EPS15: variants seen among roughly 807,000 people sequenced by gnomAD.
EPS15 encodes epidermal growth factor receptor substrate 15.
In EPS15, 72 loss-of-function variants were observed where a neutral mutation model predicts 113.8. The ratio of observed to expected loss-of-function variants is 0.63; its 90% CI spans 0.52 to 0.77. The LOEUF is 0.77. EPS15 is among the 30% of genes least tolerant of loss of function. EPS15 has a pLI of 0.00. For synonymous variants in EPS15, 344 were observed against 363.4 expected (o/e 0.95, Z 0.61); for missense variants, 1,048 against 1,045.8 (o/e 1.00, Z -0.03).
At position 51,465,254 on chromosome 1, in the gene EPS15, T is replaced by C; in HGVS notation, c.375+7A>G. On this transcript the variant is annotated splice_region_variant and intron_variant, in intron 6 of 24. Coordinates refer to ENST00000371733, the MANE Select transcript of EPS15 (RefSeq NM_001981.3). ...GGGGTGAGAGAATAGTTACAAAGTT[T>C]ACTTACTTTTACAGCCCATGGGAGC... 5 of 1,586,834 alleles carry C rather than the reference T, an allele frequency of 3.2e-6. No individual in the cohort carries two copies. The highest frequency in any genetic ancestry group is 4.3e-6 in the Non-Finnish European group (5 of 1,157,996).
chr1:51,469,915 A>G (rs538999421), intron 4 of EPS15, among the ~76,000 whole-genome samples: 5 of 151,236 alleles, frequency 3.3e-5, no homozygotes, highest in Non-Finnish European at 5.9e-5. Flanking sequence ...GCAGCCTGGG[A>G]AAGTATCTTC....
chr1:51,501,318 GA>G (rs1235203119), intron 1 of EPS15, among the ~76,000 whole-genome samples: 1 of 151,774 alleles, frequency 6.6e-6, no homozygotes, highest in African/African-American at 2.4e-5. Flanking sequence ...TGAGGAAGGA[GA>G]ATTGCTTGAA....
chr1:51,498,650 T>A (rs1644366231), intron 1 of EPS15, among the ~76,000 whole-genome samples: 1 of 152,190 alleles, frequency 6.6e-6, no homozygotes, highest in African/African-American at 2.4e-5. Flanking sequence ...TTTATCAGGA[T>A]GCAACCCTAT....
In EPS15 at chr1:51,456,040, T is replaced by C. The variant is rs182803091; in HGVS notation, c.561+5051A>G. The stretch of plus-strand genomic sequence containing the variant: ...GAGAATATGAACAAGCATTTACATT[T>C]GAAAAGAAACAAGGGCCATTCATCA... On this transcript the variant is annotated intron_variant, in intron 8 of 24. Transcript: ENST00000371733. Among the ~76,000 whole-genome samples, 16 of 152,208 alleles carry C rather than the reference T, an allele frequency of 1.1e-4. 1 individual carries two copies. The highest frequency in any genetic ancestry group is 3.6e-4 in the African/African-American group (15 of 41,568).
At chr1:51,394,314 G>T in intron 21 of EPS15, 67 bp downstream of exon 21, 1 of 969,674 alleles carries the variant, frequency 1.0e-6, no homozygotes. Context: ...TATATTTAGA[G>T]ACAAAGAAAA....
intron 8 of EPS15, among the ~76,000 whole-genome samples, chr1:51,450,754 A>C (rs1037115182): frequency 6.6e-6 from 1 of 151,876 alleles, no homozygotes; most frequent in African/African-American, 2.4e-5. Context: ...TGCTGTATGA[A>C]AAAGATTAAT....
chr1:51,517,451 T>C lies in EPS15; in HGVS notation c.33+1748A>G, dbSNP rs140467217. On this transcript the variant is annotated intron_variant, in intron 1 of 24. Transcript: ENST00000371733. ...GTAAATAGAAGCTAAAAACATGGTATTACCCAGGGAGAGAATAAAGTATGC... is the reference window on the plus strand; with the variant it reads ...GTAAATAGAAGCTAAAAACATGGTACTACCCAGGGAGAGAATAAAGTATGC... Among the ~76,000 whole-genome samples the C allele has an allele frequency of 1.0e-3, 158 of 152,324 alleles. 1 individual carries two copies. The highest frequency in any genetic ancestry group is 6.2e-3 in the East Asian group (32 of 5,186).
At chr1:51,445,269 C>G (rs1188224460) in intron 10 of EPS15, among the ~76,000 whole-genome samples, 1 of 152,168 alleles carries the variant, frequency 6.6e-6, no homozygotes, top group Non-Finnish European at 1.5e-5. Context: ...AGCCTCTAAT[C>G]TGGGTTTACA....
chr1:51,421,653 A>C, intron 13 of EPS15, 133 bp downstream of exon 13: 1 of 451,564 alleles, frequency 2.2e-6, no homozygotes, highest in Non-Finnish European at 3.8e-6. Context: ...GGAAAAGATA[A>C]ACATTTATAT....
chr1:51,485,053 T>G (rs747840200), intron 1 of EPS15, among the ~76,000 whole-genome samples: 2 of 152,234 alleles, frequency 1.3e-5, no homozygotes, highest in Non-Finnish European at 2.9e-5. Flanking sequence ...CAATAAAAAC[T>G]AAGCTCTAAA....
chr1:51,362,516 A>T (rs1646411207), intron 23 of EPS15, among the ~76,000 whole-genome samples: 1 of 152,248 alleles, frequency 6.6e-6, no homozygotes, highest in Non-Finnish European at 1.5e-5. Flanking sequence ...GCATCATGCA[A>T]GTTGTAAAAA....
intron 8 of EPS15, among the ~76,000 whole-genome samples, chr1:51,448,788 G>A (rs1653286215): frequency 6.6e-6 from 1 of 152,216 alleles, no homozygotes; most frequent in South Asian, 2.1e-4. Context: ...CAACTGAGAA[G>A]TAGTAGCATC....
rs552864729 is a variant in EPS15, at chr1:51,496,153, A to G, written c.34-14839T>C. 5.3e-5 allele frequency among the ~76,000 whole-genome samples: 8 copies of G among 152,284 alleles called. No individual in the cohort carries two copies. In the East Asian group the frequency reaches 1.5e-3, roughly 29 times the overall value. On this transcript the variant is annotated intron_variant, in intron 1 of 24. Coordinates refer to ENST00000371733, the MANE Select transcript of EPS15 (RefSeq NM_001981.3). ...TAAGCCCATTTAACCTGAGGCACAT[A>G]CTATTATACCCATTTAACAAATGAG... is the stretch of plus-strand genomic sequence containing the variant.
At chr1:51,428,457 TATAAAG>T (rs1387250628) in intron 12 of EPS15, among the ~76,000 whole-genome samples, 1 of 151,998 alleles carries the variant, frequency 6.6e-6, no homozygotes, top group African/African-American at 2.4e-5. Context: ...ATACACAATG[TATAAAG>T]ATATAGTTTG....
At chr1:51,505,548 G>A (rs1214650579) in intron 1 of EPS15, among the ~76,000 whole-genome samples, 3 of 152,080 alleles carry the variant, frequency 2.0e-5, no homozygotes, top group Admixed American at 6.6e-5. Context: ...ATAGCTGAGG[G>A]GTACAAGTTT....
At chr1:51,373,441 G>T (rs1646711861) in intron 21 of EPS15, among the ~76,000 whole-genome samples, 1 of 152,210 alleles carries the variant, frequency 6.6e-6, no homozygotes, top group Non-Finnish European at 1.5e-5. Flanking sequence ...TGAGAAAAAT[G>T]AAGAGAATTC....
At chr1:51,477,728 G>A (rs1361241315) in intron 2 of EPS15, among the ~76,000 whole-genome samples, 4 of 152,162 alleles carry the variant, frequency 2.6e-5, no homozygotes, top group Non-Finnish European at 5.9e-5. Flanking sequence ...AGTCATTCAG[G>A]AGCAGGTTGT....
At position 51,444,973 on chromosome 1, in the gene EPS15, A is replaced by C; in HGVS notation, c.870T>G (p.Ser290Arg). The change falls in exon 11 of 25, where the codon AGT (serine) becomes AGG (arginine). Residue 290 changes from serine (S) to arginine (R), a missense_variant. Transcript: ENST00000371733. ...GATCAATGCCCTTGATTAACTTCTG[A>C]CTGATTAAGTGAAAAGCCAAGGCAA... is the stretch of plus-strand genomic sequence containing the variant. ...DQFALAFHLI[S>R]QKLIKGIDPP... 1 of 1,613,994 alleles carries C rather than the reference A, an allele frequency of 6.2e-7. No individual in the cohort carries two copies. The highest frequency in any genetic ancestry group is 1.3e-5 in the African/African-American group (1 of 75,018).
At chr1:51,392,747 C>T (rs78765129) in intron 21 of EPS15, among the ~76,000 whole-genome samples, 4,853 of 152,264 alleles carry the variant, frequency 0.032, 126 homozygotes, top group Non-Finnish European at 0.05. Flanking sequence ...AGCCACATTC[C>T]ACTTTGATAT....
Sources: allele counts gnomAD v4.1 joint callset (sites outside exome capture counted in the v4.1 genomes callset), GRCh38; gene constraint gnomAD v4.1.1; transcripts MANE v1.5; gene names NCBI Gene and HGNC (gene_info 2026-07-23, HGNC 2026-07-21).